TTC28: variants seen among roughly 807,000 people sequenced by gnomAD.
TTC28 encodes tetratricopeptide repeat domain 28, also known as tetratricopeptide repeat protein 28.
In TTC28, 61 loss-of-function variants were observed where a neutral mutation model predicts 198.0. The observed-to-expected ratio is 0.31, with a 90% CI of 0.25 to 0.38. TTC28 has a LOEUF of 0.38. Ranked by LOEUF, TTC28 falls within the 10% of genes least tolerant of loss-of-function variation. The pLI, the probability that TTC28 is intolerant of heterozygous loss-of-function variation, is 1.00. For synonymous variants in TTC28, 1,171 were observed against 1,297.8 expected, an observed-to-expected ratio of 0.90 and a Z score of 2.10; for missense variants, 2,678 against 3,164.0, an observed-to-expected ratio of 0.85 and a Z score of 3.69.
rs971679336 is a variant in TTC28, at chr22:28,605,520, T to G, written c.381+24032A>C. ...GAAGAGACAGAAACCTTTCAATCAC[T>G]TTTTTATCTCATCTCTTATAACAGC... is the stretch of plus-strand genomic sequence containing the variant. On this transcript the variant is annotated intron_variant, in intron 2 of 22. Transcript: ENST00000397906. 1.4e-4 allele frequency among the ~76,000 whole-genome samples: 21 copies of G among 152,292 alleles called. No homozygotes were observed. The East Asian group carries it at 3.5e-3, about 25-fold the overall frequency.
intron 5 of TTC28, among the ~76,000 whole-genome samples, chr22:28,180,308 T>C (rs1278400701): frequency 1.3e-5 from 2 of 152,158 alleles, no homozygotes; most frequent in East Asian, 1.9e-4. Context: ...ACAAAATTAA[T>C]TGCACCACAA....
At chr22:28,323,942 C>G (rs2045485747) in intron 2 of TTC28, among the ~76,000 whole-genome samples, 1 of 152,020 alleles carries the variant, frequency 6.6e-6, no homozygotes, top group South Asian at 2.1e-4. Flanking sequence ...ACCTTACAGG[C>G]CAAGAGAAAG....
intron 5 of TTC28, among the ~76,000 whole-genome samples, chr22:28,231,658 T>C (rs781493949): frequency 2.6e-5 from 4 of 152,158 alleles, no homozygotes; most frequent in Non-Finnish European, 5.9e-5. Context: ...TATGCAAGAG[T>C]TGTCAGGAAC....
chr22:28,336,707 G>A (rs1221894173), intron 2 of TTC28, among the ~76,000 whole-genome samples: 1 of 151,760 alleles, frequency 6.6e-6, no homozygotes, highest in Non-Finnish European at 1.5e-5. Context: ...ATTTTTTATT[G>A]CATCTATTTG....
chr22:28,546,642 C>T (rs577264409), intron 2 of TTC28, among the ~76,000 whole-genome samples: 3 of 152,146 alleles, frequency 2.0e-5, no homozygotes, highest in Non-Finnish European at 4.4e-5. Context: ...GAAATAAAAA[C>T]TCATTTACAC....
intron 2 of TTC28, among the ~76,000 whole-genome samples, chr22:28,427,509 G>A (rs1479103221): frequency 2.7e-5 from 4 of 150,728 alleles, no homozygotes; most frequent in African/African-American, 7.3e-5. Flanking sequence ...AAAATTAGCC[G>A]GGTTTGGAGG....
chr22:28,109,896 G>C (rs2146908404), intron 6 of TTC28, among the ~76,000 whole-genome samples: 1 of 152,286 alleles, frequency 6.6e-6, no homozygotes, highest in Non-Finnish European at 1.5e-5. Flanking sequence ...TAAAACATCT[G>C]AACTAAAAAT....
intron 2 of TTC28, among the ~76,000 whole-genome samples, chr22:28,356,490 A>C (rs1336377952): frequency 6.6e-6 from 1 of 152,162 alleles, no homozygotes. Flanking sequence ...AACAGGAAAA[A>C]CTTTTTCATT....
In TTC28 at chr22:28,107,064, G is replaced by T. The variant is rs1213989966; in HGVS notation, c.2781C>A (p.His927Gln). ...AKAYRGLGNG[H>Q]RAMGSLQQAL... ...CAATTGTCCTTGGTCATTTTTACCT[G>T]TGTCCATTTCCCAGGCCCCGGTAAG... The change falls in exon 7 of 23, where the codon CAC becomes CAA. Residue 927 changes from histidine to glutamine, a missense_variant and splice_region_variant. Coordinates refer to ENST00000397906, the MANE Select transcript of TTC28 (RefSeq NM_001145418.2). 6.5e-7 allele frequency: 1 copy of T among 1,545,264 alleles called. No homozygotes were observed. The highest frequency in any genetic ancestry group is 1.4e-5 in the African/African-American group (1 of 72,898).
chr22:28,117,688 T>C (rs1942670253), intron 6 of TTC28, among the ~76,000 whole-genome samples: 1 of 152,244 alleles, frequency 6.6e-6, no homozygotes, highest in African/African-American at 2.4e-5. Flanking sequence ...CAATCTTTGC[T>C]GTACAATTGT....
chr22:28,011,374 T>C lies in TTC28; in HGVS notation c.4218+2874A>G, dbSNP rs113669750. 6.4e-4 allele frequency among the ~76,000 whole-genome samples: 98 copies of C among 152,284 alleles called. 1 individual carries two copies. Among genetic ancestry groups the C allele is most frequent in the Admixed American group, 1.6e-3 (24 of 15,306 alleles). ...ACTTTGGGAAGCCAAAGCAGATGGA[T>C]TGCCTGAGCCCAGGAGTTTGAAACT... On this transcript the variant is annotated intron_variant, in intron 14 of 22. Transcript: ENST00000397906.
Position 27,992,620 on chromosome 22 carries a change from A to C in TTC28, c.5520T>G (p.Thr1840=). 6.4e-7 allele frequency: 1 copy of C among 1,551,562 alleles called. No homozygotes were observed. The highest frequency in any genetic ancestry group is 1.4e-5 in the African/African-American group (1 of 73,144). The change falls in exon 19 of 23, where the codon ACT becomes ACG. Residue 1840 remains threonine, a synonymous_variant. Coordinates refer to ENST00000397906, the MANE Select transcript of TTC28 (RefSeq NM_001145418.2). ...TGAGCTGCTCGCCCGTCTCGGAGGCAGTGATGAGTTTGCAAAGGGCTTGGA... is the reference window on the plus strand; with the variant it reads ...TGAGCTGCTCGCCCGTCTCGGAGGCCGTGATGAGTTTGCAAAGGGCTTGGA... ...PALQALCKLI[T]ASETGEQLIS...
chr22:28,415,504 T>C (rs2047155304), intron 2 of TTC28, among the ~76,000 whole-genome samples: 1 of 152,358 alleles, frequency 6.6e-6, no homozygotes, highest in Non-Finnish European at 1.5e-5. Context: ...TAGACCGTAG[T>C]AATCAAAAGG....
chr22:28,256,027 T>C (rs77925849), intron 5 of TTC28, among the ~76,000 whole-genome samples: 1 of 152,028 alleles, frequency 6.6e-6, no homozygotes, highest in Non-Finnish European at 1.5e-5. Context: ...ATGTCAGTCA[T>C]AAGTGTAGGT....
At chr22:28,400,918 C>A (rs575757005) in intron 2 of TTC28, among the ~76,000 whole-genome samples, 1 of 152,238 alleles carries the variant, frequency 6.6e-6, no homozygotes, top group Non-Finnish European at 1.5e-5. Flanking sequence ...CTCTTAGATT[C>A]AAACATTTTT....
At chr22:28,337,131 T>G (rs1390851087) in intron 2 of TTC28, among the ~76,000 whole-genome samples, 2 of 152,204 alleles carry the variant, frequency 1.3e-5, no homozygotes, top group Admixed American at 6.5e-5. Context: ...TTGTTCAGTT[T>G]CCATGTAGTT....
intron 12 of TTC28, among the ~76,000 whole-genome samples, chr22:28,089,667 TAATAAAATAA>T (rs781311133): frequency 1.2e-3 from 151 of 126,152 alleles, no homozygotes; most frequent in African/African-American, 4.0e-3. Context: ...AGTATAATAA[TAATAAAATAA>T]AATAAAATAA....
intron 2 of TTC28, among the ~76,000 whole-genome samples, chr22:28,586,796 A>G (rs989713667): frequency 6.6e-6 from 1 of 152,204 alleles, no homozygotes; most frequent in Non-Finnish European, 1.5e-5. Flanking sequence ...GCTTCAACCA[A>G]TATTTTTTAT....
intron 6 of TTC28, among the ~76,000 whole-genome samples, chr22:28,161,098 A>G (rs753427625): frequency 2.6e-5 from 4 of 152,236 alleles, no homozygotes; most frequent in African/African-American, 9.6e-5. Flanking sequence ...TAAACACTTC[A>G]TGAGTCAAAG....
Sources: gnomAD v4.1 joint callset for allele counts (sites outside exome capture counted in the v4.1 genomes callset) on GRCh38, gnomAD v4.1.1 for gene constraint, MANE v1.5 for transcripts, NCBI Gene and HGNC (gene_info 2026-07-23, HGNC 2026-07-21) for gene names.